Variants in SRRM4 observed in about 807,000 individuals in gnomAD.
The protein encoded by SRRM4 is serine/arginine repetitive matrix 4.
Under a neutral mutation model 68.9 loss-of-function variants are expected in SRRM4, and 33 were observed. The ratio of observed to expected loss-of-function variants is 0.48; its 90% confidence interval spans 0.36 to 0.64. SRRM4 has a LOEUF of 0.64. SRRM4 is among the 30% of genes least tolerant of loss of function. The pLI is 0.00. For synonymous variants in SRRM4, 318 were observed against 318.8 expected (o/e 1.00, Z 0.03); for missense variants, 817 against 827.1 (o/e 0.99, Z 0.15).
chr12:119,006,947 C>G (rs1405935486), intron 1 of SRRM4, among the ~76,000 whole-genome samples: 2 of 152,168 alleles, frequency 1.3e-5, no homozygotes, highest in South Asian at 2.1e-4. Context: ...GGGAGGAGCC[C>G]GTGAGAAGGC....
chr12:119,025,880 T>C (rs1953545556), intron 1 of SRRM4, among the ~76,000 whole-genome samples: 1 of 152,108 alleles, frequency 6.6e-6, no homozygotes, highest in African/African-American at 2.4e-5. Context: ...CAAAAGCATC[T>C]TAGCCTGCTG....
rs2136074035 is a variant in SRRM4 at position 119,162,199 on chromosome 12, A to G, written c.*5401A>G. On this transcript the variant is annotated 3_prime_UTR_variant, in exon 13 of 13. Transcript: ENST00000267260. ...GACTGCAGATTAAAGGGTGTCAACC[A>G]AGGAAGGAAACAAAAAAGTAGGGCC... 6.6e-6 allele frequency: 1 copy of G among 152,320 alleles called. No individual in the cohort carries two copies. The allele number at this position is 152,320 out of a possible 1,614,324, so 9.4% of individuals were successfully genotyped here.
Position 119,124,510 on chromosome 12 carries a change from A to T in SRRM4, c.516-871A>T, listed in dbSNP as rs182605796. Among the ~76,000 whole-genome samples, 250 of 152,324 alleles carry T rather than the reference A, an allele frequency of 1.6e-3. 1 individual carries two copies. The highest frequency in any genetic ancestry group is 0.01 in the Middle Eastern group (3 of 294). On this transcript the variant is annotated intron_variant, in intron 6 of 12. Coordinates refer to ENST00000267260, the MANE Select transcript of SRRM4 (RefSeq NM_194286.4). ...CCCAACAGAATCATCTCTAACTCCC[A>T]CTGGCTTTCTCGTTTGGCCCAAACC...
At position 118,982,136 on chromosome 12, in the gene SRRM4, C is replaced by A. The variant is rs145136730; in HGVS notation, c.131+123C>A. ...GCGCCTGTCTTTTCCCGTCACTACT[C>A]GGCGGCTCCCGCTGAAACATGGGAA... On this transcript the variant is annotated intron_variant, in intron 1 of 12. Transcript: ENST00000267260. The A allele has an allele frequency of 2.6e-5, 32 of 1,220,256 alleles. No homozygotes were observed. The African/African-American group carries it at 4.8e-4, about 18-fold the overall frequency. The allele number at this position is 1,220,256 out of a possible 1,614,324, so 75.6% of individuals were successfully genotyped here.
At chr12:119,139,224 C>A (rs1954349548) in intron 8 of SRRM4, among the ~76,000 whole-genome samples, 3 of 152,164 alleles carry the variant, frequency 2.0e-5, no homozygotes, top group Admixed American at 2.0e-4. Context: ...ACTAGGAAGG[C>A]AATACCCAGG....
intron 1 of SRRM4, among the ~76,000 whole-genome samples, chr12:119,081,642 G>A (rs7957820): frequency 0.57 from 87,019 of 152,108 alleles, 25,899 homozygotes; most frequent in Middle Eastern, 0.76. Flanking sequence ...GTAGGATCCC[G>A]CCAGCCGCCT....
chr12:119,145,505 C>A lies in SRRM4; in HGVS notation c.896C>A (p.Thr299Asn), dbSNP rs1285765386. 1 of 1,609,572 alleles carries A rather than the reference C, an allele frequency of 6.2e-7. No homozygotes were observed. The highest frequency in any genetic ancestry group is 8.5e-7 in the Non-Finnish European group (1 of 1,177,530). The change falls in exon 9 of 13, where the codon ACC (threonine) becomes AAC (asparagine). Residue 299 changes from threonine to asparagine, a missense_variant. By Grantham distance (65) the Thr-to-Asn change is moderately conservative (BLOSUM62 0). Coordinates refer to ENST00000267260, the MANE Select transcript of SRRM4 (RefSeq NM_194286.4). ...ACGTCCTCGCCACCCTCCACGCAAA[C>A]CAGCTCAGCCAGGTCTCGGGGCCAG... ...NDTSSPPSTQ[T>N]SSARSRGQEK...
chr12:119,097,235 G>A (rs755294350), intron 1 of SRRM4, among the ~76,000 whole-genome samples: 1 of 152,254 alleles, frequency 6.6e-6, no homozygotes, highest in Non-Finnish European at 1.5e-5. Flanking sequence ...AAGGCTGGAG[G>A]TAGGGAAGGG....
At chr12:118,984,018 C>G (rs945937123) in intron 1 of SRRM4, among the ~76,000 whole-genome samples, 1 of 152,180 alleles carries the variant, frequency 6.6e-6, no homozygotes, top group South Asian at 2.1e-4. Context: ...ATTTATGTCA[C>G]GCTAGGAGAA....
chr12:119,156,149 C>T (rs1954469887), intron 12 of SRRM4, among the ~76,000 whole-genome samples: 1 of 152,146 alleles, frequency 6.6e-6, no homozygotes, highest in Non-Finnish European at 1.5e-5. Flanking sequence ...AAATTAGCCT[C>T]TTTTGCCATA....
At chr12:119,027,512 G>C (rs1259114335) in intron 1 of SRRM4, among the ~76,000 whole-genome samples, 1 of 151,314 alleles carries the variant, frequency 6.6e-6, no homozygotes, top group Non-Finnish European at 1.5e-5. Flanking sequence ...GGCACAATGA[G>C]TCAGATCTAC....
At chr12:119,114,598 T>C (rs1954165718) in intron 3 of SRRM4, among the ~76,000 whole-genome samples, 2 of 151,888 alleles carry the variant, frequency 1.3e-5, no homozygotes, top group African/African-American at 2.4e-5. Flanking sequence ...GAAAAATTAA[T>C]GTGGAAGCGG....
chr12:119,141,891 G>T (rs558714748), intron 8 of SRRM4, among the ~76,000 whole-genome samples: 2 of 152,232 alleles, frequency 1.3e-5, no homozygotes, highest in Non-Finnish European at 2.9e-5. Context: ...TGAATGAAGT[G>T]CAGTGTATTG....
intron 1 of SRRM4, among the ~76,000 whole-genome samples, chr12:119,052,040 C>T (rs1953746392): frequency 6.6e-6 from 1 of 152,164 alleles, no homozygotes; most frequent in African/African-American, 2.4e-5. Flanking sequence ...TAGAGCTTGG[C>T]TGGCATTTAT....
At chr12:119,155,961 T>G (rs1954468710) in intron 12 of SRRM4, among the ~76,000 whole-genome samples, 1 of 152,196 alleles carries the variant, frequency 6.6e-6, no homozygotes, top group Non-Finnish European at 1.5e-5. Flanking sequence ...CTCAAATAAT[T>G]CATCTTGATT....
At chr12:119,005,041 C>T (rs553024983) in intron 1 of SRRM4, among the ~76,000 whole-genome samples, 4 of 152,316 alleles carry the variant, frequency 2.6e-5, no homozygotes, top group South Asian at 2.1e-4. Flanking sequence ...TTTCTGATAC[C>T]ACAAAAACCT....
chr12:118,997,806 A>T (rs1318409809), intron 1 of SRRM4, among the ~76,000 whole-genome samples: 1 of 151,986 alleles, frequency 6.6e-6, no homozygotes, highest in Non-Finnish European at 1.5e-5. Flanking sequence ...TAAGCTTTTG[A>T]GGTGGATACT....
At chr12:119,127,736 A>AAAAAG (rs112384039) in intron 7 of SRRM4, among the ~76,000 whole-genome samples, 16,904 of 142,916 alleles carry the variant, frequency 0.12, 1,192 homozygotes, top group African/African-American at 0.19. Context: ...CTCAAAAAAA[A>AAAAAG]AAAAGAAAAG....
chr12:119,067,856 G>T (rs781434031), intron 1 of SRRM4, among the ~76,000 whole-genome samples: 3 of 152,212 alleles, frequency 2.0e-5, no homozygotes, highest in Non-Finnish European at 4.4e-5. Flanking sequence ...GTAAAATGGA[G>T]GTAATACAGT....
Sources: gnomAD v4.1 joint callset for allele counts (sites outside exome capture counted in the v4.1 genomes callset) on GRCh38, gnomAD v4.1.1 for gene constraint, MANE v1.5 for transcripts, NCBI Gene and HGNC (gene_info 2026-07-23, HGNC 2026-07-21) for gene names.